Variants in TMIGD3 observed in about 807,000 individuals in gnomAD.
The protein encoded by TMIGD3 is AD026 protein (AD026).
A neutral mutation model predicts 28.1 loss-of-function variants in TMIGD3; 21 were observed. That is an observed-to-expected ratio of 0.75 (90% confidence interval 0.53 to 1.08). The LOEUF (loss-of-function observed/expected upper bound fraction) is 1.08, where lower values mean the gene tolerates loss of function less well. Among genes scored for constraint, TMIGD3 ranks in the 50% least tolerant of loss-of-function variants. TMIGD3 has a pLI of 0.00. For missense variants in TMIGD3, 416 were observed against 435.6 expected (o/e 0.96, Z 0.40); for synonymous variants, 151 against 162.1 (o/e 0.93, Z 0.52).
intron 1 of TMIGD3, among the ~76,000 whole-genome samples, chr1:111,525,789 A>C (rs1256982714): frequency 6.6e-6 from 1 of 152,130 alleles, no homozygotes; most frequent in Non-Finnish European, 1.5e-5. Flanking sequence ...ACTTGAACCT[A>C]GGAGGCAGAG....
In TMIGD3 at chr1:111,485,799, C is replaced by T. The variant is rs372780626; in HGVS notation, c.914G>A (p.Gly305Glu). Residue 305 changes from glycine to glutamate, a missense_variant, in exon 5 of 6, where the codon GGA (glycine) becomes GAA (glutamate). Gly to Glu is a moderately conservative substitution (Grantham distance 98, BLOSUM62 -2). Coordinates refer to ENST00000369716, the MANE Select transcript of TMIGD3 (RefSeq NM_020683.7). ...LIICILITGL[G>E]IISVISHLTK... Reference sequence around the variant, plus strand: ...CAAATGACTGATTACAGAGATGATTCCCAAACCCGTGATCAGTATGCAAAT... The same window carrying T: ...CAAATGACTGATTACAGAGATGATTTCCAAACCCGTGATCAGTATGCAAAT... 6 of 1,524,490 alleles carry T rather than the reference C, an allele frequency of 3.9e-6. No individual in the cohort carries two copies. The African/African-American group carries it at 7.0e-5, about 18-fold the overall frequency. The allele number at this position is 1,524,490 out of a possible 1,614,324, so 94.4% of individuals were successfully genotyped here.
intron 1 of TMIGD3, among the ~76,000 whole-genome samples, chr1:111,528,523 G>A (rs1301275006): frequency 1.3e-5 from 2 of 151,988 alleles, no homozygotes; most frequent in Non-Finnish European, 2.9e-5. Flanking sequence ...ATAAATTTTG[G>A]AATCAGTTTG....
At chr1:111,521,948 G>C in intron 1 of TMIGD3, among the ~76,000 whole-genome samples, 1 of 152,190 alleles carries the variant, frequency 6.6e-6, no homozygotes, top group East Asian at 1.9e-4. Flanking sequence ...TATGAGGTAA[G>C]GGTTGAGGTT....
At chr1:111,557,606 A>G (rs1033006085) in intron 1 of TMIGD3, among the ~76,000 whole-genome samples, 2 of 152,074 alleles carry the variant, frequency 1.3e-5, no homozygotes, top group African/African-American at 4.8e-5. Flanking sequence ...ATAATTAAAA[A>G]TTGGAACTTT....
intron 1 of TMIGD3, among the ~76,000 whole-genome samples, chr1:111,559,097 C>A (rs1158930869): frequency 6.6e-6 from 1 of 151,844 alleles, no homozygotes; most frequent in African/African-American, 2.4e-5. Flanking sequence ...ATTTAAACTT[C>A]TTTAGAATTT....
At chr1:111,549,649 C>CAAAAAA (rs370585012) in intron 1 of TMIGD3, among the ~76,000 whole-genome samples, 1 of 94,430 alleles carries the variant, frequency 1.1e-5, no homozygotes, top group East Asian at 2.7e-4. Context: ...GACTCTGTTT[C>CAAAAAA]AAAAAAAAAA....
intron 1 of TMIGD3, among the ~76,000 whole-genome samples, chr1:111,559,395 A>T (rs891446220): frequency 6.6e-6 from 1 of 152,286 alleles, no homozygotes; most frequent in African/African-American, 2.4e-5. Flanking sequence ...CCTAAAAAAA[A>T]TCCTATTCTT....
chr1:111,485,807 C>G lies in TMIGD3; in HGVS notation c.906G>C (p.Thr302=), dbSNP rs138501072. ...TGATTACAGAGATGATTCCCAAACC[C>G]GTGATCAGTATGCAAATGATGAGAA... ...TSILIICILI[T]GLGIISVISH... is the part of the protein sequence containing the mutation. Residue 302 remains threonine (T), a synonymous_variant, in exon 5 of 6, where the codon ACG becomes ACC. Coordinates refer to ENST00000369716, the MANE Select transcript of TMIGD3 (RefSeq NM_020683.7). The G allele has an allele frequency of 6.2e-7, 1 of 1,613,126 alleles. No individual in the cohort carries two copies. Among genetic ancestry groups the G allele is most frequent in the South Asian group, 1.1e-5 (1 of 90,986 alleles).
chr1:111,486,708 T>C, intron 3 of TMIGD3, 56 bp from the exon 4 acceptor site: 1 of 1,400,830 alleles, frequency 7.1e-7, no homozygotes, highest in Non-Finnish European at 1.0e-6. Flanking sequence ...GTCCTACCTC[T>C]GCCTCCCAGC....
intron 1 of TMIGD3, among the ~76,000 whole-genome samples, chr1:111,529,471 A>C (rs545482284): frequency 0.077 from 11,514 of 149,380 alleles, 606 homozygotes; most frequent in Middle Eastern, 0.17. Flanking sequence ...GCAGATAAAC[A>C]AGTGAACAAA....
At chr1:111,559,325 C>A (rs1657637006) in intron 1 of TMIGD3, among the ~76,000 whole-genome samples, 1 of 152,108 alleles carries the variant, frequency 6.6e-6, no homozygotes, top group Non-Finnish European at 1.5e-5. Context: ...GGAATTTATT[C>A]ATGCATTAAA....
intron 3 of TMIGD3, among the ~76,000 whole-genome samples, chr1:111,487,257 A>C (rs1654425037): frequency 6.6e-6 from 1 of 152,240 alleles, no homozygotes; most frequent in South Asian, 2.1e-4. Context: ...TGCACAGTTA[A>C]GTAAAAGCAG....
Position 111,483,507 on chromosome 1 carries a change from T to G in TMIGD3, c.*180A>C, listed in dbSNP as rs751768086. 1.6e-6 allele frequency: 1 copy of G among 619,456 alleles called. No individual in the cohort carries two copies. 38.4% of individuals were successfully genotyped at this position (619,456 alleles called of 1,614,324 possible). A position where few individuals can be genotyped will look rare whatever the true frequency, so the allele number is the denominator to read the frequency against. On this transcript the variant is annotated 3_prime_UTR_variant, in exon 6 of 6. Coordinates refer to ENST00000369716, the MANE Select transcript of TMIGD3 (RefSeq NM_020683.7). The stretch of plus-strand genomic sequence containing the variant: ...TGAGGGCAGCCTTGCTTGGGTGTGG[T>G]CTATCATAGCTCCTCTGACTACCGC...
intron 1 of TMIGD3, among the ~76,000 whole-genome samples, chr1:111,535,206 G>A (rs1251007984): frequency 2.6e-5 from 4 of 152,148 alleles, no homozygotes; most frequent in African/African-American, 9.7e-5. Flanking sequence ...CTGAATAAAT[G>A]TCAACTATTA....
At chr1:111,549,674 T>G (rs538344566) in intron 1 of TMIGD3, among the ~76,000 whole-genome samples, 6 of 147,500 alleles carry the variant, frequency 4.1e-5, no homozygotes, top group Admixed American at 1.3e-4. Flanking sequence ...AAAGACAAGA[T>G]CTCTCTCTCT....
chr1:111,537,151 C>T (rs1656665819), intron 1 of TMIGD3, among the ~76,000 whole-genome samples: 1 of 152,202 alleles, frequency 6.6e-6, no homozygotes, highest in Non-Finnish European at 1.5e-5. Context: ...TCATGTATCA[C>T]CTGCTCTCTA....
At chr1:111,525,412 A>G (rs775759213) in intron 1 of TMIGD3, among the ~76,000 whole-genome samples, 11 of 152,192 alleles carry the variant, frequency 7.2e-5, no homozygotes, top group Admixed American at 3.9e-4. Flanking sequence ...TTTTATTGCT[A>G]TGAAATTACT....
chr1:111,542,783 G>T (rs1416534861), intron 1 of TMIGD3, among the ~76,000 whole-genome samples: 1 of 151,766 alleles, frequency 6.6e-6, no homozygotes, highest in African/African-American at 2.4e-5. Flanking sequence ...TGAAACCTCC[G>T]CCTCCCGGGT....
chr1:111,563,710 C>A (rs1657837345), intron 1 of TMIGD3: 2 of 646,062 alleles, frequency 3.1e-6, no homozygotes, highest in East Asian at 5.2e-5. Flanking sequence ...CAAATTATCT[C>A]TATTTTACAC....
Sources: gnomAD v4.1 joint callset for allele counts (sites outside exome capture counted in the v4.1 genomes callset) on GRCh38, gnomAD v4.1.1 for gene constraint, MANE v1.5 for transcripts, NCBI Gene and HGNC (gene_info 2026-07-23, HGNC 2026-07-21) for gene names.